PPP1CB: variants seen among roughly 807,000 people sequenced by gnomAD.
PPP1CB encodes protein phosphatase 1 catalytic subunit beta.
PPP1CB carries 2 observed loss-of-function variants against 43.7 expected under a neutral mutation model. That is an observed-to-expected ratio of 0.05 (90% CI 0.02 to 0.14). The LOEUF (loss-of-function observed/expected upper bound fraction) is 0.14, where lower values mean the gene tolerates loss of function less well. Among genes scored for constraint, PPP1CB ranks in the 10% least tolerant of loss-of-function variants. PPP1CB has a pLI of 1.00. For missense variants in PPP1CB, 84 were observed against 398.0 expected (o/e 0.21, Z 6.71); for synonymous variants, 136 against 135.6 (o/e 1.00, Z -0.02).
intron 1 of PPP1CB, among the ~76,000 whole-genome samples, chr2:28,757,956 C>G (rs938125584): frequency 7.3e-5 from 11 of 151,310 alleles, no homozygotes; most frequent in African/African-American, 1.9e-4. Flanking sequence ...ATAGTTGCAT[C>G]TAGTAGGTCT....
At chr2:28,755,204 G>A (rs1042088898) in intron 1 of PPP1CB, among the ~76,000 whole-genome samples, 1 of 151,824 alleles carries the variant, frequency 6.6e-6, no homozygotes, top group Admixed American at 6.6e-5. Flanking sequence ...ATGCCACCAC[G>A]CCCCGGCTAA....
chr2:28,768,634 C>T (rs1260136005), intron 1 of PPP1CB, among the ~76,000 whole-genome samples: 4 of 152,102 alleles, frequency 2.6e-5, no homozygotes, highest in Admixed American at 2.0e-4. Flanking sequence ...TAAAACAGAC[C>T]AGCCCTCAGG....
chr2:28,779,577 G>A (rs1311174408), intron 3 of PPP1CB, among the ~76,000 whole-genome samples: 1 of 152,120 alleles, frequency 6.6e-6, no homozygotes, highest in African/African-American at 2.4e-5. Context: ...GGTATTGTAT[G>A]TTTCCAAGTG....
At position 28,800,226 on chromosome 2, in the gene PPP1CB, C is replaced by CTTTTTTTTTTTTTTTTTTTTTTTTCTTT. The variant is rs55736905; in HGVS notation, c.*946_*947insTCTTTTTTTTTTTTTTTTTTTTTTTTTT. On this transcript the variant is annotated 3_prime_UTR_variant, in exon 8 of 8. Coordinates refer to ENST00000395366, the MANE Select transcript of PPP1CB (RefSeq NM_002709.3). The stretch of plus-strand genomic sequence containing the variant: ...TTGGTTTTCTTTTTCTTTTTTCTTT[C>CTTTTTTTTTTTTTTTTTTTTTTTTCTTT]TTTTTTTTTTTTTTTTTTTTTTTGA... 1 of 65,628 alleles carries CTTTTTTTTTTTTTTTTTTTTTTTTCTTT rather than the reference C, an allele frequency of 1.5e-5. No individual in the cohort carries two copies. Among genetic ancestry groups the CTTTTTTTTTTTTTTTTTTTTTTTTCTTT allele is most frequent in the Non-Finnish European group, 2.7e-5 (1 of 36,888 alleles). 4.1% of individuals were successfully genotyped at this position (65,628 alleles called of 1,614,324 possible). A position where few individuals can be genotyped will look rare whatever the true frequency, so the allele number is the denominator to read the frequency against.
At chr2:28,787,268 G>A (rs1275964733) in intron 5 of PPP1CB, among the ~76,000 whole-genome samples, 1 of 152,098 alleles carries the variant, frequency 6.6e-6, no homozygotes, top group Admixed American at 6.6e-5. Context: ...GACCATCCTG[G>A]CTAACACAGT....
intron 6 of PPP1CB, among the ~76,000 whole-genome samples, chr2:28,791,520 G>A (rs1667384514): frequency 6.6e-6 from 1 of 151,946 alleles, no homozygotes; most frequent in Non-Finnish European, 1.5e-5. Flanking sequence ...AGTAGAGACG[G>A]GGTTTCACTA....
At chr2:28,759,211 G>A (rs1490028344) in intron 1 of PPP1CB, among the ~76,000 whole-genome samples, 1 of 152,114 alleles carries the variant, frequency 6.6e-6, no homozygotes, top group East Asian at 1.9e-4. Context: ...CTATTGCACT[G>A]CCAGTTGTGT....
chr2:28,791,607 C>T (rs2148058795), intron 6 of PPP1CB, among the ~76,000 whole-genome samples: 1 of 152,230 alleles, frequency 6.6e-6, no homozygotes, highest in East Asian at 1.9e-4. Context: ...GGATTATAGG[C>T]ACGAGCCACC....
chr2:28,800,101 C>G lies in PPP1CB; in HGVS notation c.*798C>G, dbSNP rs1322936879. ...ATAAGGCTCATATAGTATTACCCAA[C>G]TAGTTGGTAATGTGATTATGTGGTA... On this transcript the variant is annotated 3_prime_UTR_variant, in exon 8 of 8. Coordinates refer to ENST00000395366, the MANE Select transcript of PPP1CB (RefSeq NM_002709.3). 2 of 152,422 alleles carry G rather than the reference C, an allele frequency of 1.3e-5. No homozygotes were observed. The highest frequency in any genetic ancestry group is 2.9e-5 in the Non-Finnish European group (2 of 67,942). 9.4% of individuals were successfully genotyped at this position (152,422 alleles called of 1,614,324 possible).
chr2:28,789,457 C>CA (rs1667341545), intron 6 of PPP1CB, among the ~76,000 whole-genome samples: 1 of 151,696 alleles, frequency 6.6e-6, no homozygotes, highest in South Asian at 2.1e-4. Flanking sequence ...TGCAGTGAGC[C>CA]ATGTTTATGT....
At chr2:28,755,752 G>C (rs2148453727) in intron 1 of PPP1CB, among the ~76,000 whole-genome samples, 2 of 152,298 alleles carry the variant, frequency 1.3e-5, no homozygotes, top group Middle Eastern at 6.8e-3. Context: ...TAATGCATTT[G>C]GGAGGAGGTT....
rs367810397 is a variant in PPP1CB at position 28,790,943 on chromosome 2, TC to T, written c.744+2135del. Among the ~76,000 whole-genome samples, 31 of 152,350 alleles carry T rather than the reference TC, an allele frequency of 2.0e-4. 1 individual carries two copies. The East Asian group carries it at 5.4e-3, about 27-fold the overall frequency. ...TTATACAGTTCAGGGTTTTTGGTTG[TC>T]TTTTATGTCCGCCACCACTAACTAG... On this transcript the variant is annotated intron_variant, in intron 6 of 7. Transcript: ENST00000395366.
intron 1 of PPP1CB, among the ~76,000 whole-genome samples, chr2:28,755,176 A>G (rs1472037539): frequency 6.6e-6 from 1 of 151,984 alleles, no homozygotes; most frequent in Non-Finnish European, 1.5e-5. Flanking sequence ...CAGCTTCCCA[A>G]GTAGCTGGGA....
intron 1 of PPP1CB, among the ~76,000 whole-genome samples, chr2:28,771,596 A>G (rs1251721860): frequency 6.6e-6 from 1 of 152,174 alleles, no homozygotes; most frequent in Non-Finnish European, 1.5e-5. Context: ...TGGTCACCTG[A>G]TTTTTCTACA....
At chr2:28,784,917 C>CAA (rs869155670) in intron 5 of PPP1CB, among the ~76,000 whole-genome samples, 1,326 of 78,980 alleles carry the variant, frequency 0.017, 49 homozygotes, top group African/African-American at 0.03. Flanking sequence ...GAAACTGTCT[C>CAA]AAAAAAAAAA....
intron 7 of PPP1CB, among the ~76,000 whole-genome samples, chr2:28,795,034 A>G (rs1667471476): frequency 1.3e-5 from 2 of 152,052 alleles, no homozygotes; most frequent in Non-Finnish European, 2.9e-5. Context: ...TATTGTTGCC[A>G]TCTTTATGTC....
intron 3 of PPP1CB, among the ~76,000 whole-genome samples, chr2:28,780,030 TCCAA>T (rs2148050716): frequency 6.6e-6 from 1 of 152,264 alleles, no homozygotes; most frequent in African/African-American, 2.4e-5. Context: ...GTATCAGGCT[TCCAA>T]TGCTTAATGA....
chr2:28,772,575 A>G (rs1396140854), intron 1 of PPP1CB, among the ~76,000 whole-genome samples: 1 of 152,214 alleles, frequency 6.6e-6, no homozygotes, highest in Non-Finnish European at 1.5e-5. Flanking sequence ...GCCCATGGAT[A>G]TTCATAGCAT....
intron 6 of PPP1CB, among the ~76,000 whole-genome samples, chr2:28,790,421 C>T (rs1667362514): frequency 6.6e-6 from 1 of 152,192 alleles, no homozygotes; most frequent in African/African-American, 2.4e-5. Flanking sequence ...CTCACTGCAA[C>T]TTCCGCCTCC....
Sources: gnomAD v4.1 joint callset for allele counts (sites outside exome capture counted in the v4.1 genomes callset) on GRCh38, gnomAD v4.1.1 for gene constraint, MANE v1.5 for transcripts, NCBI Gene and HGNC (gene_info 2026-07-23, HGNC 2026-07-21) for gene names.